NKAIN3: variants seen among roughly 807,000 people sequenced by gnomAD.
NKAIN3 encodes sodium/potassium-transporting ATPase subunit beta-1-interacting protein 3.
A neutral mutation model predicts 30.2 loss-of-function variants in NKAIN3; 25 were observed. The ratio of observed to expected loss-of-function variants is 0.83; its 90% CI spans 0.60 to 1.16. NKAIN3 has a LOEUF of 1.16. Ranked by LOEUF, NKAIN3 falls within the 50% of genes most tolerant of loss-of-function variation. NKAIN3 has a pLI of 0.00. For synonymous variants in NKAIN3, 91 were observed against 89.6 expected, an observed-to-expected ratio of 1.02 and a Z score of -0.09; for missense variants, 225 against 254.1, an observed-to-expected ratio of 0.89 and a Z score of 0.78.
intron 1 of NKAIN3, among the ~76,000 whole-genome samples, chr8:62,327,598 C>T (rs1223253711): frequency 6.6e-6 from 1 of 152,030 alleles, no homozygotes; most frequent in African/African-American, 2.4e-5. Flanking sequence ...AGCCTTACCA[C>T]TCTTTTCAAC....
intron 3 of NKAIN3, among the ~76,000 whole-genome samples, chr8:62,626,106 T>C (rs1438059669): frequency 6.6e-6 from 1 of 152,074 alleles, no homozygotes. Context: ...GTTCATTAAT[T>C]TCTAAGCACT....
chr8:62,827,515 A>G (rs953828386), intron 4 of NKAIN3, among the ~76,000 whole-genome samples: 11 of 152,146 alleles, frequency 7.2e-5, no homozygotes, highest in Non-Finnish European at 1.2e-4. Context: ...TGAAATTTTT[A>G]TGTAATTTAT....
intron 5 of NKAIN3, among the ~76,000 whole-genome samples, chr8:62,922,623 CA>C (rs1194293882): frequency 6.6e-6 from 1 of 152,028 alleles, no homozygotes; most frequent in Non-Finnish European, 1.5e-5. Flanking sequence ...TGCTGTGAGT[CA>C]AACATGGAAA....
At chr8:62,802,669 T>G (rs1335280886) in intron 4 of NKAIN3, among the ~76,000 whole-genome samples, 1 of 152,100 alleles carries the variant, frequency 6.6e-6, no homozygotes, top group Non-Finnish European at 1.5e-5. Flanking sequence ...CATGCCAAAT[T>G]GTAAAGACCA....
At chr8:62,716,095 T>A (rs921864233) in intron 3 of NKAIN3, among the ~76,000 whole-genome samples, 10 of 152,154 alleles carry the variant, frequency 6.6e-5, no homozygotes, top group African/African-American at 2.4e-4. Flanking sequence ...TTGTTTTGAC[T>A]GAATGAGTGT....
chr8:62,573,035 C>T (rs1212719461), intron 1 of NKAIN3, among the ~76,000 whole-genome samples: 1 of 152,136 alleles, frequency 6.6e-6, no homozygotes, highest in Non-Finnish European at 1.5e-5. Flanking sequence ...GATTCATAGA[C>T]TTGCAGGAAA....
At chr8:62,876,083 C>G (rs181909781) in intron 4 of NKAIN3, among the ~76,000 whole-genome samples, 182 of 152,228 alleles carry the variant, frequency 1.2e-3, no homozygotes, top group African/African-American at 4.2e-3. Context: ...ACCCATCTGA[C>G]AAGGGTGTAA....
intron 1 of NKAIN3, among the ~76,000 whole-genome samples, chr8:62,555,178 C>A (rs1349876152): frequency 6.6e-6 from 1 of 151,714 alleles, no homozygotes. Flanking sequence ...TAAAAACTCC[C>A]AAAGATAAAA....
intron 4 of NKAIN3, among the ~76,000 whole-genome samples, chr8:62,786,650 T>A (rs1817529419): frequency 6.6e-6 from 1 of 152,154 alleles, no homozygotes; most frequent in Non-Finnish European, 1.5e-5. Flanking sequence ...CAGCCAGCAG[T>A]TTTGCATTAG....
chr8:62,523,662 C>G (rs1475562746), intron 1 of NKAIN3, among the ~76,000 whole-genome samples: 2 of 152,106 alleles, frequency 1.3e-5, no homozygotes, highest in Non-Finnish European at 2.9e-5. Context: ...ATAGGGCGCA[C>G]AGCATGGGAC....
intron 4 of NKAIN3, among the ~76,000 whole-genome samples, chr8:62,767,023 G>C (rs1192809233): frequency 6.6e-6 from 1 of 151,672 alleles, no homozygotes; most frequent in Non-Finnish European, 1.5e-5. Flanking sequence ...AATCCAGCAA[G>C]GAGTAGTGGA....
At chr8:62,840,495 C>G (rs1819499779) in intron 4 of NKAIN3, among the ~76,000 whole-genome samples, 6 of 150,782 alleles carry the variant, frequency 4.0e-5, no homozygotes, top group Admixed American at 4.0e-4. Context: ...TTACACTGCT[C>G]TCTACATTTT....
chr8:62,630,869 C>A (rs1811935115), intron 3 of NKAIN3, among the ~76,000 whole-genome samples: 1 of 152,116 alleles, frequency 6.6e-6, no homozygotes, highest in Non-Finnish European at 1.5e-5. Context: ...ACTGCTAGAT[C>A]TTTCTTTTCA....
chr8:62,669,958 T>G (rs181392759), intron 3 of NKAIN3, among the ~76,000 whole-genome samples: 5 of 152,280 alleles, frequency 3.3e-5, no homozygotes, highest in Admixed American at 2.6e-4. Context: ...TTGTGCTTCT[T>G]GATTATAGTG....
chr8:62,894,526 A>C (rs185298692), intron 4 of NKAIN3, among the ~76,000 whole-genome samples: 1 of 152,140 alleles, frequency 6.6e-6, no homozygotes, highest in Admixed American at 6.6e-5. Flanking sequence ...AAAATTCCAA[A>C]CTAGAGAGAA....
chr8:62,555,657 A>G (rs1203101027), intron 1 of NKAIN3, among the ~76,000 whole-genome samples: 1 of 152,232 alleles, frequency 6.6e-6, no homozygotes, highest in Admixed American at 6.5e-5. Context: ...ATAAGTGTAA[A>G]TGTTTAAAGA....
chr8:62,423,787 G>A (rs1175806595), intron 1 of NKAIN3, among the ~76,000 whole-genome samples: 1 of 151,700 alleles, frequency 6.6e-6, no homozygotes, highest in Non-Finnish European at 1.5e-5. Context: ...TTTTATTACT[G>A]GCACATTTAG....
intron 3 of NKAIN3, among the ~76,000 whole-genome samples, chr8:62,661,776 T>A (rs1812953005): frequency 6.6e-6 from 1 of 152,212 alleles, no homozygotes; most frequent in Admixed American, 6.5e-5. Flanking sequence ...TGCTGAAACC[T>A]GGTGGATTCA....
In NKAIN3 at chr8:62,970,085, C is replaced by G. The variant is rs539786629; in HGVS notation, c.*4678C>G. Among the ~76,000 whole-genome samples, 6 of 151,696 alleles carry G rather than the reference C, an allele frequency of 4.0e-5. No homozygotes were observed. Among genetic ancestry groups the G allele is most frequent in the African/African-American group, 1.2e-4 (5 of 41,366 alleles). ...TAAAAAAAAATTTAAATTAGCCAAG[C>G]ATGGTGGCATGTACCTATGACCCCA... is the stretch of plus-strand genomic sequence containing the variant. On this transcript the variant is annotated 3_prime_UTR_variant, in exon 7 of 7. Transcript: ENST00000623646.
Sources: allele counts gnomAD v4.1 joint callset (sites outside exome capture counted in the v4.1 genomes callset), GRCh38; gene constraint gnomAD v4.1.1; transcripts MANE v1.5; gene names NCBI Gene and HGNC (gene_info 2026-07-23, HGNC 2026-07-21).